The following NAV3 variants were observed in gnomAD, a reference collection of about 807,000 sequenced individuals.
The protein encoded by NAV3 is pore membrane and/or filament interacting like protein 1.
A neutral mutation model predicts 244.7 loss-of-function variants in NAV3; 87 were observed. The observed-to-expected ratio is 0.36, with a 90% CI of 0.30 to 0.42. The LOEUF is 0.42. Ranked by LOEUF, NAV3 falls within the 20% of genes least tolerant of loss-of-function variation. NAV3 has a pLI of 1.00. For missense variants in NAV3, 2,663 were observed against 2,893.3 expected (o/e 0.92, Z 1.83); for synonymous variants, 1,126 against 1,042.2 (o/e 1.08, Z -1.55).
intron 14 of NAV3, 125 bp from the exon 15 acceptor site, chr12:78,119,112 C>A: frequency 1.9e-6 from 2 of 1,067,664 alleles, no homozygotes; most frequent in Non-Finnish European, 2.7e-6. Flanking sequence ...GATTTTTGAT[C>A]TAAGACAATA....
intron 39 of NAV3, among the ~76,000 whole-genome samples, chr12:78,205,553 C>T (rs1017271903): frequency 4.6e-5 from 7 of 151,856 alleles, no homozygotes; most frequent in South Asian, 2.1e-4. Flanking sequence ...ATCAACTAAC[C>T]TGACTAATTT....
chr12:77,980,955 G>A (rs1413240486), intron 5 of NAV3, among the ~76,000 whole-genome samples: 1 of 152,080 alleles, frequency 6.6e-6, no homozygotes, highest in Admixed American at 6.6e-5. Context: ...CATGCAGGTG[G>A]CCTTATTAAC....
intron 2 of NAV3, among the ~76,000 whole-genome samples, chr12:77,653,176 C>T (rs1179720120): frequency 6.6e-6 from 1 of 152,158 alleles, no homozygotes; most frequent in African/African-American, 2.4e-5. Context: ...ATGGTATGTT[C>T]TAAGCTGCCA....
chr12:77,924,901 A>G (rs1256517181), intron 1 of NAV3, among the ~76,000 whole-genome samples: 3 of 151,806 alleles, frequency 2.0e-5, no homozygotes, highest in African/African-American at 7.3e-5. Flanking sequence ...ATTACAGTTA[A>G]TCCTCACAAT....
intron 2 of NAV3, among the ~76,000 whole-genome samples, chr12:77,770,614 C>T (rs1205137895): frequency 1.3e-5 from 2 of 152,248 alleles, no homozygotes; most frequent in East Asian, 3.9e-4. Context: ...AATTGCACAC[C>T]TACACCACAG....
chr12:78,023,618 G>A (rs1014797103), intron 9 of NAV3, among the ~76,000 whole-genome samples: 10 of 152,140 alleles, frequency 6.6e-5, no homozygotes, highest in African/African-American at 2.2e-4. Context: ...CCTATAGTGG[G>A]ATAGTGAAAA....
chr12:78,011,436 C>T (rs1875256122), intron 8 of NAV3, among the ~76,000 whole-genome samples: 1 of 151,910 alleles, frequency 6.6e-6, no homozygotes, highest in Admixed American at 6.6e-5. Flanking sequence ...ATGCAACATA[C>T]ACAATTAATG....
At chr12:77,593,276 G>GTGTC (rs1221037557) in intron 2 of NAV3, among the ~76,000 whole-genome samples, 6 of 14,430 alleles carry the variant, frequency 4.2e-4, no homozygotes, top group Non-Finnish European at 8.8e-4. Flanking sequence ...GTGTGTATGT[G>GTGTC]TGTCTGTGTG....
At chr12:77,582,043 A>T (rs1869389739) in intron 2 of NAV3, among the ~76,000 whole-genome samples, 3 of 152,182 alleles carry the variant, frequency 2.0e-5, no homozygotes, top group Non-Finnish European at 4.4e-5. Context: ...AAAACTATAG[A>T]TCAGGTAATC....
At chr12:78,184,287 T>C (rs1167071011) in intron 30 of NAV3, among the ~76,000 whole-genome samples, 1 of 151,906 alleles carries the variant, frequency 6.6e-6, no homozygotes, top group African/African-American at 2.4e-5. Context: ...AGACAAGTAC[T>C]AAAGTAATTT....
At position 78,198,646 on chromosome 12, in the gene NAV3, C is replaced by T. The variant is rs552719335; in HGVS notation, c.6488C>T (p.Ser2163Leu). The T allele has an allele frequency of 6.3e-7, 1 of 1,595,890 alleles. No individual in the cohort carries two copies. Among genetic ancestry groups the T allele is most frequent in the Non-Finnish European group, 8.5e-7 (1 of 1,170,656 alleles). ...IGTMNQGVSS[S>L]PNLELHHNFR... ...ACAATGAATCAGGGAGTTTCTTCAT[C>T]ACCAAATCTAGAGCTGCATCACAAT... Residue 2163 changes from serine (S) to leucine (L), a missense_variant, in exon 36 of 40, where the codon TCA (serine) becomes TTA (leucine). This residue lies in a region of NAV3 where 543 missense variants were observed against 672.4 expected (regional missense o/e 0.81). Coordinates refer to ENST00000397909, the MANE Select transcript of NAV3 (RefSeq NM_001024383.2).
At chr12:77,837,607 A>G (rs1173380608) in intron 1 of NAV3, among the ~76,000 whole-genome samples, 1 of 152,188 alleles carries the variant, frequency 6.6e-6, no homozygotes, top group Admixed American at 6.5e-5. Flanking sequence ...GGTAGAATAG[A>G]GATTCAGACT....
intron 12 of NAV3, among the ~76,000 whole-genome samples, chr12:78,110,674 G>T (rs1389820602): frequency 6.6e-6 from 1 of 151,142 alleles, no homozygotes; most frequent in African/African-American, 2.4e-5. Context: ...CAGAAATAAA[G>T]CCATATATAT....
intron 2 of NAV3, among the ~76,000 whole-genome samples, chr12:77,637,897 A>G (rs1872225026): frequency 6.6e-6 from 1 of 152,248 alleles, no homozygotes. Flanking sequence ...TGGCTTTTAA[A>G]TAGTGTTTCC....
At chr12:77,670,900 C>T (rs746242545) in intron 2 of NAV3, among the ~76,000 whole-genome samples, 19 of 152,048 alleles carry the variant, frequency 1.2e-4, no homozygotes, top group Admixed American at 9.8e-4. Context: ...GGTACTTTCA[C>T]CACTTGTATT....
chr12:78,074,724 A>G (rs1241197323), intron 12 of NAV3, among the ~76,000 whole-genome samples: 1 of 152,150 alleles, frequency 6.6e-6, no homozygotes, highest in African/African-American at 2.4e-5. Flanking sequence ...AAACAAATGA[A>G]GATATGAAGA....
At chr12:77,579,003 C>G (rs957515355) in intron 2 of NAV3, among the ~76,000 whole-genome samples, 1 of 152,074 alleles carries the variant, frequency 6.6e-6, no homozygotes, top group Non-Finnish European at 1.5e-5. Flanking sequence ...ATTCATTCCC[C>G]TCTTCTTCTT....
At chr12:77,611,382 T>A (rs552236029) in intron 2 of NAV3, among the ~76,000 whole-genome samples, 1 of 152,152 alleles carries the variant, frequency 6.6e-6, no homozygotes, top group South Asian at 2.1e-4. Flanking sequence ...GAAATTATAA[T>A]TTCAAGTGAG....
At chr12:77,599,783 A>G (rs912167616) in intron 2 of NAV3, among the ~76,000 whole-genome samples, 2 of 151,916 alleles carry the variant, frequency 1.3e-5, no homozygotes, top group South Asian at 2.1e-4. Context: ...TTCTTCTATT[A>G]TAAAATACTG....
Sources: gnomAD v4.1 joint callset for allele counts (sites outside exome capture counted in the v4.1 genomes callset) on GRCh38, gnomAD v4.1.1 for gene constraint, gnomAD v4.1.1 regional missense constraint, MANE v1.5 for transcripts, NCBI Gene and HGNC (gene_info 2026-07-23, HGNC 2026-07-21) for gene names.